The following PCDHGA3 variants were observed in gnomAD, a reference collection of about 807,000 sequenced individuals.
The protein encoded by PCDHGA3 is protocadherin gamma-A3.
A neutral mutation model predicts 58.5 loss-of-function variants in PCDHGA3; 40 were observed. That is an observed-to-expected ratio of 0.68 (90% CI 0.53 to 0.89). The LOEUF is 0.89. PCDHGA3 is among the 40% of genes least tolerant of loss of function. PCDHGA3 has a pLI of 0.00. For missense variants in PCDHGA3, 1,223 were observed against 1,195.9 expected (o/e 1.02, Z -0.33); for synonymous variants, 530 against 525.7 (o/e 1.01, Z -0.11).
At chr5:141,388,706 TGCC>T (rs2091460898) in intron 1 of PCDHGA3, 2 of 1,613,856 alleles carry the variant, frequency 1.2e-6, no homozygotes, top group Non-Finnish European at 1.7e-6. Flanking sequence ...AGGGTGTCAA[TGCC>T]GAGATTACTT....
At chr5:141,404,192 A>G in intron 1 of PCDHGA3, 1 of 1,613,574 alleles carries the variant, frequency 6.2e-7, no homozygotes. Flanking sequence ...TGACCGAGAA[A>G]AAGCCTCAGA....
intron 1 of PCDHGA3, among the ~76,000 whole-genome samples, chr5:141,400,819 C>T (rs1316119038): frequency 6.6e-6 from 1 of 152,132 alleles, no homozygotes; most frequent in Non-Finnish European, 1.5e-5. Context: ...TTTACCTATT[C>T]GTTGTCTCAT....
intron 1 of PCDHGA3, chr5:141,395,102 G>C: frequency 6.2e-7 from 1 of 1,614,172 alleles, no homozygotes; most frequent in Non-Finnish European, 8.5e-7. Flanking sequence ...CCGCCGACTC[G>C]CGGAAGAGTC....
Position 141,490,644 on chromosome 5 carries a change from T to G in PCDHGA3, c.2425-4163T>G, listed in dbSNP as rs772742713. 1 of 1,614,188 alleles carries G rather than the reference T, an allele frequency of 6.2e-7. No individual in the cohort carries two copies. Among genetic ancestry groups the G allele is most frequent in the Non-Finnish European group, 8.5e-7 (1 of 1,180,016 alleles). The stretch of plus-strand genomic sequence containing the variant: ...CTGCTTACATCCTAGAAAACCGGCC[T>G]CCGGGCTCCCTTCTTTGCACTGTGG... On this transcript the variant is annotated intron_variant, in intron 1 of 3. Transcript: ENST00000253812. The surrounding 1 kb of genome is among the most constrained non-coding windows in gnomAD (Gnocchi z 5.4).
intron 1 of PCDHGA3, chr5:141,350,563 A>G (rs1758505116): frequency 6.2e-6 from 10 of 1,614,080 alleles, no homozygotes; most frequent in Non-Finnish European, 8.5e-6. Context: ...AGTGTGCACT[A>G]GAATTCGAAA....
chr5:141,350,698 G>A, intron 1 of PCDHGA3: 1 of 1,613,916 alleles, frequency 6.2e-7, no homozygotes, highest in South Asian at 1.1e-5. Flanking sequence ...CCTTACCCGG[G>A]GTAAAATTCT....
intron 1 of PCDHGA3, chr5:141,419,413 C>A (rs568417008): frequency 6.2e-7 from 1 of 1,613,444 alleles, no homozygotes; most frequent in South Asian, 1.1e-5. Flanking sequence ...TCGCGCAGCG[C>A]GCCTTCGACC....
chr5:141,384,294 C>T, intron 1 of PCDHGA3: 1 of 1,613,864 alleles, frequency 6.2e-7, no homozygotes. Context: ...CTGAGAACAA[C>T]CCCAGAGGGG....
Position 141,511,565 on chromosome 5 carries a change from AG to A in PCDHGA3, c.*393del, listed in dbSNP as rs2099883852. 6.8e-6 allele frequency: 2 copies of A among 296,092 alleles called. No homozygotes were observed. Among genetic ancestry groups the A allele is most frequent in the South Asian group, 7.4e-5 (2 of 26,988 alleles). The allele number at this position is 296,092 out of a possible 1,614,324, so 18.3% of individuals were successfully genotyped here. On this transcript the variant is annotated 3_prime_UTR_variant, in exon 4 of 4. Transcript: ENST00000253812. ...CCACTCCAACAGTTCCTCTTTCCCG[AG>A]TAAGGTGGTTGGGGTGTTGAAGTAC...
intron 1 of PCDHGA3, among the ~76,000 whole-genome samples, chr5:141,449,205 A>G (rs991001366): frequency 6.6e-6 from 1 of 152,164 alleles, no homozygotes; most frequent in Admixed American, 6.5e-5. Context: ...GTTAATTCTA[A>G]CTTTCTGTTT....
chr5:141,510,526 A>T (rs1164238062), intron 3 of PCDHGA3, among the ~76,000 whole-genome samples: 1 of 152,156 alleles, frequency 6.6e-6, no homozygotes, highest in East Asian at 1.9e-4. Flanking sequence ...CAGCCCTGAG[A>T]GAAATACCAG....
At position 141,422,099 on chromosome 5, in the gene PCDHGA3, A is replaced by G. The variant is rs374091819; in HGVS notation, c.2425-72708A>G. ...CGGAACATGGAAAGCAAGGCTTCTG[A>G]AATATTCCAATTGGATTCACAAACT... On this transcript the variant is annotated intron_variant, in intron 1 of 3. Transcript: ENST00000253812. 1.9e-6 allele frequency: 3 copies of G among 1,609,706 alleles called. No homozygotes were observed. The African/African-American group carries it at 4.0e-5, about 22-fold the overall frequency.
chr5:141,430,110 C>T (rs919470038), intron 1 of PCDHGA3, among the ~76,000 whole-genome samples: 1 of 152,060 alleles, frequency 6.6e-6, no homozygotes, highest in Admixed American at 6.5e-5. Flanking sequence ...CGTTACATGT[C>T]AACAACCTGG....
At chr5:141,393,088 G>A in intron 1 of PCDHGA3, 3 of 1,613,648 alleles carry the variant, frequency 1.9e-6, no homozygotes, top group Non-Finnish European at 2.5e-6. Context: ...AGGATAGATC[G>A]GGAGGAGCTC....
chr5:141,432,495 C>G lies in PCDHGA3; in HGVS notation c.2425-62312C>G. 1.2e-6 allele frequency: 2 copies of G among 1,614,182 alleles called. No individual in the cohort carries two copies. The highest frequency in any genetic ancestry group is 1.7e-6 in the Non-Finnish European group (2 of 1,180,048). On this transcript the variant is annotated intron_variant, in intron 1 of 3. Coordinates refer to ENST00000253812, the MANE Select transcript of PCDHGA3 (RefSeq NM_018916.4). The surrounding 1 kb of genome is among the most constrained non-coding windows in gnomAD (Gnocchi z 6.0). ...GGTTCCACTGGCGTGGAGCTGGCTC[C>G]CCGCTCCGCAGAGCCCGGCTACCTG...
chr5:141,347,137 C>CTCTGTCTTTCTTTCTTTCTTTCTTTCTT (rs375338309), intron 1 of PCDHGA3, among the ~76,000 whole-genome samples: 2 of 113,834 alleles, frequency 1.8e-5, no homozygotes, highest in African/African-American at 7.7e-5. Flanking sequence ...CTCTGTTTCT[C>CTCTGTCTTTCTTTCTTTCTTTCTTTCTT]TCTTTCTTTC....
chr5:141,489,260 CACA>C lies in PCDHGA3; in HGVS notation c.2425-5546_2425-5544del, dbSNP rs1242559724. 1 of 1,552,022 alleles carries C rather than the reference CACA, an allele frequency of 6.4e-7. No individual in the cohort carries two copies. Among genetic ancestry groups the C allele is most frequent in the Non-Finnish European group, 8.7e-7 (1 of 1,149,038 alleles). ...TGGGTCATGGGGCCCAAGACACTCCCACAGCTCGCTGGGAAATGGCAAGTGCTG... is the reference window on the plus strand; with the variant it reads ...TGGGTCATGGGGCCCAAGACACTCCCGCTCGCTGGGAAATGGCAAGTGCTG... On this transcript the variant is annotated intron_variant, in intron 1 of 3. Coordinates refer to ENST00000253812, the MANE Select transcript of PCDHGA3 (RefSeq NM_018916.4). The surrounding 1 kb of genome is among the most constrained non-coding windows in gnomAD (Gnocchi z 4.5).
chr5:141,483,730 T>G (rs999201456), intron 1 of PCDHGA3, among the ~76,000 whole-genome samples: 1 of 152,014 alleles, frequency 6.6e-6, no homozygotes, highest in Non-Finnish European at 1.5e-5. Flanking sequence ...CCCACCATAG[T>G]CAAAAGGATA....
chr5:141,383,031 T>C (rs778307271), intron 1 of PCDHGA3: 2 of 1,613,670 alleles, frequency 1.2e-6, no homozygotes, highest in African/African-American at 2.7e-5. Flanking sequence ...AAGGGTCCTT[T>C]GTGGGAGACA....
Sources: gnomAD v4.1 joint callset for allele counts (sites outside exome capture counted in the v4.1 genomes callset) on GRCh38, gnomAD v4.1.1 for gene constraint, Gnocchi (gnomAD v3.1) non-coding constraint, MANE v1.5 for transcripts, NCBI Gene and HGNC (gene_info 2026-07-23, HGNC 2026-07-21) for gene names.